The following KCNK2 variants were observed in gnomAD, a reference collection of about 807,000 sequenced individuals.
KCNK2 encodes the protein potassium channel subfamily K member 2.
A neutral mutation model predicts 40.5 loss-of-function variants in KCNK2; 21 were observed. That is an observed-to-expected ratio of 0.52 (90% confidence interval 0.37 to 0.75). KCNK2 has a LOEUF of 0.75. KCNK2 is among the 30% of genes least tolerant of loss of function. The pLI is 0.00. For synonymous variants in KCNK2, 191 were observed against 202.2 expected, an observed-to-expected ratio of 0.94 and a Z score of 0.47; for missense variants, 399 against 531.6, an observed-to-expected ratio of 0.75 and a Z score of 2.45.
chr1:215,117,937 T>A (rs1235912755), intron 2 of KCNK2, among the ~76,000 whole-genome samples: 1 of 152,080 alleles, frequency 6.6e-6, no homozygotes, highest in Non-Finnish European at 1.5e-5. Context: ...GACTGCCACA[T>A]GTTACTGATG....
At chr1:215,074,069 G>A (rs1213360554) in intron 1 of KCNK2, among the ~76,000 whole-genome samples, 1 of 152,150 alleles carries the variant, frequency 6.6e-6, no homozygotes, top group Non-Finnish European at 1.5e-5. Flanking sequence ...GGTGACTGAG[G>A]TAATGGTGGT....
intron 1 of KCNK2, among the ~76,000 whole-genome samples, chr1:215,069,994 A>T (rs755481348): frequency 1.6e-4 from 25 of 152,206 alleles, no homozygotes; most frequent in Non-Finnish European, 2.8e-4. Context: ...ACACCCATTC[A>T]AAAAATATTT....
In KCNK2 at chr1:215,082,839, C is replaced by A. The variant is rs2102525078; in HGVS notation, c.-547C>A. On this transcript the variant is annotated 5_prime_UTR_variant, in exon 1 of 7. Transcript: ENST00000444842. ...ACCGTGCCACACACCCCCCGCGGGG[C>A]ACGGAGGGCATTGCGGGGGGAGACA... Among the ~76,000 whole-genome samples the A allele has an allele frequency of 1.3e-5, 2 of 152,126 alleles. No homozygotes were observed. Among genetic ancestry groups the A allele is most frequent in the East Asian group, 3.9e-4 (2 of 5,100 alleles).
chr1:215,018,156 A>G (rs535687659), intron 1 of KCNK2, among the ~76,000 whole-genome samples: 7 of 152,202 alleles, frequency 4.6e-5, no homozygotes, highest in African/African-American at 9.6e-5. Context: ...AAAGGTCTAG[A>G]AAAAAATCAT....
intron 2 of KCNK2, among the ~76,000 whole-genome samples, chr1:215,093,524 AT>A (rs1659793695): frequency 8.9e-6 from 1 of 112,368 alleles, no homozygotes; most frequent in Non-Finnish European, 1.7e-5. Flanking sequence ...TAGGATATAT[AT>A]AATATAGAAT....
chr1:215,093,870 A>G (rs1340450500), intron 2 of KCNK2, among the ~76,000 whole-genome samples: 56 of 97,916 alleles, frequency 5.7e-4, no homozygotes, highest in African/African-American at 2.0e-3. Flanking sequence ...ATAAAAATAT[A>G]TTATATATTA....
chr1:215,061,461 T>C (rs1175078184), intron 1 of KCNK2, among the ~76,000 whole-genome samples: 2 of 152,112 alleles, frequency 1.3e-5, no homozygotes, highest in East Asian at 3.8e-4. Flanking sequence ...AGGAATGGGT[T>C]CAGAAATAAG....
At chr1:215,022,684 G>T (rs570230676) in intron 1 of KCNK2, among the ~76,000 whole-genome samples, 5 of 152,154 alleles carry the variant, frequency 3.3e-5, no homozygotes, top group Admixed American at 1.3e-4. Context: ...CCTTCCTTCT[G>T]CCTAACTTGG....
At chr1:215,082,686 G>A (rs1659214146), upstream of KCNK2, among the ~76,000 whole-genome samples, 1 of 151,944 alleles carries the variant, frequency 6.6e-6, no homozygotes, top group Non-Finnish European at 1.5e-5. Flanking sequence ...AAGCCCTGGC[G>A]GTGAGACAGG....
intron 1 of KCNK2, among the ~76,000 whole-genome samples, chr1:215,007,035 A>G (rs1231898183): frequency 0.16 from 9,064 of 55,580 alleles, 875 homozygotes; most frequent in African/African-American, 0.29. Context: ...ATATATATAT[A>G]TATGTGTGTG....
At chr1:215,056,322 A>AAG (rs386369616) in intron 1 of KCNK2, among the ~76,000 whole-genome samples, 1 of 149,776 alleles carries the variant, frequency 6.7e-6, no homozygotes, top group African/African-American at 2.5e-5. Context: ...AAAAAAAAAA[A>AAG]AGGAAAGAAA....
At chr1:215,216,443 A>G (rs1665963233) in intron 6 of KCNK2, among the ~76,000 whole-genome samples, 1 of 146,902 alleles carries the variant, frequency 6.8e-6, no homozygotes, top group African/African-American at 2.5e-5. Context: ...ATATTTGTAT[A>G]TCAGATTATT....
At chr1:215,017,090 A>G (rs1440359393) in intron 1 of KCNK2, among the ~76,000 whole-genome samples, 1 of 152,158 alleles carries the variant, frequency 6.6e-6, no homozygotes, top group Admixed American at 6.6e-5. Context: ...ATGAAAAATA[A>G]CAAGTGTTGG....
chr1:215,018,614 A>T (rs1039586648), intron 1 of KCNK2, among the ~76,000 whole-genome samples: 4 of 152,176 alleles, frequency 2.6e-5, no homozygotes, highest in African/African-American at 9.7e-5. Flanking sequence ...AATGCCACAG[A>T]TAGTATATGT....
chr1:215,101,824 TA>T (rs1256987713), intron 2 of KCNK2, among the ~76,000 whole-genome samples: 1 of 151,918 alleles, frequency 6.6e-6, no homozygotes, highest in Non-Finnish European at 1.5e-5. Flanking sequence ...GATGCTGGTG[TA>T]AAAAAACCAA....
intron 2 of KCNK2, among the ~76,000 whole-genome samples, chr1:215,106,176 C>A (rs992010342): frequency 6.6e-6 from 1 of 152,232 alleles, no homozygotes; most frequent in Middle Eastern, 3.4e-3. Flanking sequence ...CTGCTTTCCA[C>A]GGTGACTGAA....
intron 2 of KCNK2, among the ~76,000 whole-genome samples, chr1:215,107,982 A>C (rs569699480): frequency 6.6e-6 from 1 of 152,278 alleles, no homozygotes; most frequent in South Asian, 2.1e-4. Context: ...ATTTTTCCAC[A>C]GACCAATGGC....
At chr1:215,153,839 C>G (rs1662794106) in intron 3 of KCNK2, among the ~76,000 whole-genome samples, 1 of 151,892 alleles carries the variant, frequency 6.6e-6, no homozygotes, top group South Asian at 2.1e-4. Flanking sequence ...TGAGTGAGAA[C>G]ATGTGTTTGG....
At chr1:215,178,509 C>T (rs1002146843) in intron 5 of KCNK2, among the ~76,000 whole-genome samples, 14 of 151,990 alleles carry the variant, frequency 9.2e-5, no homozygotes, top group Non-Finnish European at 1.0e-4. Flanking sequence ...ATAGATGGCT[C>T]TTATTATTTT....
Sources: allele counts gnomAD v4.1 joint callset (sites outside exome capture counted in the v4.1 genomes callset), GRCh38; gene constraint gnomAD v4.1.1; transcripts MANE v1.5; gene names NCBI Gene and HGNC (gene_info 2026-07-23, HGNC 2026-07-21).